The following ZNF804B variants were observed in gnomAD, a reference collection of about 807,000 sequenced individuals.
ZNF804B encodes the protein zinc finger 804B.
Under a neutral mutation model 101.4 loss-of-function variants are expected in ZNF804B, and 80 were observed. The ratio of observed to expected loss-of-function variants is 0.79; its 90% confidence interval spans 0.66 to 0.95. ZNF804B has a LOEUF of 0.95. ZNF804B is among the 40% of genes least tolerant of loss of function. The pLI, the probability that ZNF804B is intolerant of heterozygous loss-of-function variation, is 0.00. For missense variants in ZNF804B, 1,673 were observed against 1,561.9 expected, an observed-to-expected ratio of 1.07 and a Z score of -1.20; for synonymous variants, 622 against 558.8, an observed-to-expected ratio of 1.11 and a Z score of -1.59.
Position 88,948,890 on chromosome 7 carries a change from C to T in ZNF804B, c.108+188806C>T, listed in dbSNP as rs538619403. Among the ~76,000 whole-genome samples the T allele has an allele frequency of 7.2e-5, 11 of 151,906 alleles. No individual in the cohort carries two copies. In the South Asian group the frequency reaches 1.7e-3, roughly 23 times the overall value. Reference sequence around the variant, plus strand: ...GTTTAGGAAATATTTTTCTAGTCCGCGATCACAGAAGTTTTATCTTAACTT... The same window carrying T: ...GTTTAGGAAATATTTTTCTAGTCCGTGATCACAGAAGTTTTATCTTAACTT... On this transcript the variant is annotated intron_variant, in intron 1 of 3. Transcript: ENST00000333190.
intron 2 of ZNF804B, among the ~76,000 whole-genome samples, chr7:89,275,462 T>C (rs1430002412): frequency 6.6e-6 from 1 of 151,932 alleles, no homozygotes; most frequent in Non-Finnish European, 1.5e-5. Context: ...GATAATGATC[T>C]GGTGCTTCCT....
chr7:89,025,293 A>G (rs1788732411), intron 1 of ZNF804B, among the ~76,000 whole-genome samples: 1 of 152,098 alleles, frequency 6.6e-6, no homozygotes, highest in Non-Finnish European at 1.5e-5. Context: ...AAGTTTTGTT[A>G]TTTGTAATGA....
intron 2 of ZNF804B, among the ~76,000 whole-genome samples, chr7:89,232,813 A>G (rs563043712): frequency 6.6e-6 from 1 of 152,210 alleles, no homozygotes; most frequent in Non-Finnish European, 1.5e-5. Flanking sequence ...TACAAACAAA[A>G]TCTGTTTTCA....
At chr7:89,130,056 T>C (rs1229185098) in intron 1 of ZNF804B, among the ~76,000 whole-genome samples, 1 of 151,950 alleles carries the variant, frequency 6.6e-6, no homozygotes, top group Non-Finnish European at 1.5e-5. Flanking sequence ...GAAACTGTAA[T>C]ATATATTCCC....
At chr7:89,301,980 C>A (rs1447285754) in intron 2 of ZNF804B, among the ~76,000 whole-genome samples, 3 of 151,882 alleles carry the variant, frequency 2.0e-5, no homozygotes, top group African/African-American at 7.3e-5. Context: ...ACTTTAAATG[C>A]TATGACTTTA....
chr7:88,835,672 T>C (rs76333698), intron 1 of ZNF804B, among the ~76,000 whole-genome samples: 2,116 of 152,014 alleles, frequency 0.014, 21 homozygotes, highest in Non-Finnish European at 0.021. Flanking sequence ...GTAACTTCGA[T>C]AGTAGATATT....
intron 1 of ZNF804B, among the ~76,000 whole-genome samples, chr7:88,986,885 A>G (rs1036004366): frequency 1.3e-5 from 2 of 152,116 alleles, no homozygotes; most frequent in Admixed American, 6.6e-5. Context: ...CTATTTGCCA[A>G]ATAAAGTTGT....
At chr7:89,112,652 A>T (rs1443460905) in intron 1 of ZNF804B, among the ~76,000 whole-genome samples, 1 of 152,200 alleles carries the variant, frequency 6.6e-6, no homozygotes, top group Non-Finnish European at 1.5e-5. Flanking sequence ...CAATAAACAC[A>T]AAGTAATTTG....
At chr7:88,853,801 A>G (rs925198479) in intron 1 of ZNF804B, among the ~76,000 whole-genome samples, 3 of 152,228 alleles carry the variant, frequency 2.0e-5, no homozygotes, top group East Asian at 1.9e-4. Flanking sequence ...GCACAGAACC[A>G]TAGATATTAA....
At chr7:88,877,049 ATTTTTTTTT>A (rs869097226) in intron 1 of ZNF804B, among the ~76,000 whole-genome samples, 16 of 13,902 alleles carry the variant, frequency 1.2e-3, no homozygotes, top group East Asian at 7.4e-3. Context: ...ATATATATAT[ATTTTTTTTT>A]TTTTTTTTTT....
intron 1 of ZNF804B, among the ~76,000 whole-genome samples, chr7:89,065,080 T>A (rs1789439138): frequency 6.6e-6 from 1 of 152,162 alleles, no homozygotes; most frequent in Admixed American, 6.5e-5. Context: ...GGGTACTGCT[T>A]GTGGTCAGAA....
intron 1 of ZNF804B, among the ~76,000 whole-genome samples, chr7:88,776,897 G>T (rs546224034): frequency 6.6e-6 from 1 of 150,626 alleles, no homozygotes; most frequent in African/African-American, 2.4e-5. Context: ...TCAAACAGAG[G>T]TAATCCAATA....
At chr7:88,761,460 C>A (rs1399595623) in intron 1 of ZNF804B, among the ~76,000 whole-genome samples, 1 of 152,196 alleles carries the variant, frequency 6.6e-6, no homozygotes, top group Non-Finnish European at 1.5e-5. Context: ...AGGTCTGAAT[C>A]TTTCCCATTT....
At chr7:88,842,693 G>A (rs1033559639) in intron 1 of ZNF804B, among the ~76,000 whole-genome samples, 7 of 152,180 alleles carry the variant, frequency 4.6e-5, no homozygotes. Context: ...TTCCTTAGAA[G>A]AAATAGTTCA....
At chr7:88,788,296 T>C (rs1391185532) in intron 1 of ZNF804B, among the ~76,000 whole-genome samples, 3 of 152,114 alleles carry the variant, frequency 2.0e-5, no homozygotes, top group Non-Finnish European at 4.4e-5. Context: ...CTGGCCACTG[T>C]CACCAACCTC....
At chr7:88,928,107 A>C (rs139915872) in intron 1 of ZNF804B, among the ~76,000 whole-genome samples, 2 of 152,266 alleles carry the variant, frequency 1.3e-5, no homozygotes, top group South Asian at 4.1e-4. Flanking sequence ...AAGCTGGTCA[A>C]ATCAACCTCT....
At chr7:89,129,545 A>G (rs1445186250) in intron 1 of ZNF804B, among the ~76,000 whole-genome samples, 1 of 152,038 alleles carries the variant, frequency 6.6e-6, no homozygotes, top group Non-Finnish European at 1.5e-5. Flanking sequence ...ATTGAGAACA[A>G]TACAGTAGTT....
chr7:88,854,531 C>CTTCCTTTCCT (rs1554340256), intron 1 of ZNF804B, among the ~76,000 whole-genome samples: 1 of 51,960 alleles, frequency 1.9e-5, no homozygotes, highest in Non-Finnish European at 3.5e-5. Context: ...CCTTCCTTTC[C>CTTCCTTTCCT]TTCCTTCCTT....
At chr7:88,856,538 C>A (rs999615807) in intron 1 of ZNF804B, among the ~76,000 whole-genome samples, 7 of 152,264 alleles carry the variant, frequency 4.6e-5, no homozygotes, top group Non-Finnish European at 8.8e-5. Flanking sequence ...GATACACAAT[C>A]ATGTCGTCTG....
Sources: allele counts gnomAD v4.1 joint callset (sites outside exome capture counted in the v4.1 genomes callset), GRCh38; gene constraint gnomAD v4.1.1; transcripts MANE v1.5; gene names NCBI Gene and HGNC (gene_info 2026-07-23, HGNC 2026-07-21).